Variants in TMEM62 observed in about 807,000 individuals in gnomAD.
TMEM62 encodes the protein transmembrane protein 62.
TMEM62 carries 41 observed loss-of-function variants against 70.4 expected under a neutral mutation model. The ratio of observed to expected loss-of-function variants is 0.58; its 90% CI spans 0.45 to 0.76. The LOEUF is 0.76. TMEM62 is among the 30% of genes least tolerant of loss of function. The probability of loss-of-function intolerance (pLI) is 0.00; values close to 1 mark genes in which losing one functional copy is unlikely to be tolerated. For missense variants in TMEM62, 688 were observed against 788.5 expected, an observed-to-expected ratio of 0.87 and a Z score of 1.53; for synonymous variants, 268 against 291.0, an observed-to-expected ratio of 0.92 and a Z score of 0.80.
intron 7 of TMEM62, among the ~76,000 whole-genome samples, chr15:43,150,985 AT>A (rs1302152097): frequency 6.6e-6 from 1 of 152,252 alleles, no homozygotes; most frequent in African/African-American, 2.4e-5. Context: ...TTTAATGAAT[AT>A]TTTATACCTT....
rs549395686 is a variant in TMEM62 at position 43,153,395 on chromosome 15, C to T, written c.1023-1277C>T. 3.3e-5 allele frequency among the ~76,000 whole-genome samples: 5 copies of T among 152,252 alleles called. 1 individual carries two copies. The highest frequency in any genetic ancestry group is 1.2e-4 in the African/African-American group (5 of 41,546). ...CATTATCCATTTCCAGAACATTTAT[C>T]ATTTTCTAAAACTGAAACTTTTACC... On this transcript the variant is annotated intron_variant, in intron 8 of 13. Coordinates refer to ENST00000260403, the MANE Select transcript of TMEM62 (RefSeq NM_024956.4).
chr15:43,144,513 A>G (rs2036432152), intron 4 of TMEM62, among the ~76,000 whole-genome samples: 1 of 152,226 alleles, frequency 6.6e-6, no homozygotes, highest in Admixed American at 6.5e-5. Flanking sequence ...AGGAAAAAAG[A>G]GATATTGGAG....
At chr15:43,142,491 T>C (rs963123125) in intron 4 of TMEM62, among the ~76,000 whole-genome samples, 1 of 151,620 alleles carries the variant, frequency 6.6e-6, no homozygotes, top group Non-Finnish European at 1.5e-5. Flanking sequence ...GAAAAGTCAA[T>C]TGATGTAGCA....
At position 43,184,915 on chromosome 15, in the gene TMEM62, G is replaced by T. The variant is rs922272574; in HGVS notation, c.*329G>T. On this transcript the variant is annotated 3_prime_UTR_variant, in exon 14 of 14. Coordinates refer to ENST00000260403, the MANE Select transcript of TMEM62 (RefSeq NM_024956.4). ...TACGGGAGTGTCTGAGGCCCAGTGTGTTTTTTAGGGTTACCCCATGTAAAG... is the reference window on the plus strand; with the variant it reads ...TACGGGAGTGTCTGAGGCCCAGTGTTTTTTTTAGGGTTACCCCATGTAAAG... 19 of 333,732 alleles carry T rather than the reference G, an allele frequency of 5.7e-5. No individual in the cohort carries two copies. In the South Asian group the frequency reaches 7.5e-4, roughly 13 times the overall value. The allele number at this position is 333,732 out of a possible 1,614,324, so 20.7% of individuals were successfully genotyped here.
At chr15:43,181,604 C>T (rs1290670742) in intron 13 of TMEM62, among the ~76,000 whole-genome samples, 1 of 152,176 alleles carries the variant, frequency 6.6e-6, no homozygotes, top group Non-Finnish European at 1.5e-5. Context: ...TGGGTTCCAG[C>T]GATTTTCCTG....
intron 10 of TMEM62, among the ~76,000 whole-genome samples, chr15:43,165,068 C>G (rs541526588): frequency 6.6e-6 from 1 of 152,188 alleles, no homozygotes; most frequent in African/African-American, 2.4e-5. Context: ...TCTTGGTGTT[C>G]TATGACCTTC....
At chr15:43,167,725 G>A (rs993028868) in intron 10 of TMEM62, among the ~76,000 whole-genome samples, 16 of 152,232 alleles carry the variant, frequency 1.1e-4, no homozygotes, top group South Asian at 4.1e-4. Flanking sequence ...ACGGGGTGGC[G>A]GCCGGGTAGA....
intron 10 of TMEM62, among the ~76,000 whole-genome samples, chr15:43,168,078 A>C (rs1596322056): frequency 6.6e-6 from 1 of 150,532 alleles, no homozygotes; most frequent in East Asian, 2.0e-4. Context: ...GCAGCGGTAC[A>C]GTCCAGCTTC....
At chr15:43,181,353 C>A in intron 13 of TMEM62, 54 bp downstream of exon 13, 1 of 1,131,710 alleles carries the variant, frequency 8.8e-7, no homozygotes, top group Non-Finnish European at 1.3e-6. Flanking sequence ...AGACTAATTG[C>A]ATAACAGTTA....
intron 11 of TMEM62, among the ~76,000 whole-genome samples, chr15:43,173,307 T>G (rs1264366776): frequency 6.6e-6 from 1 of 152,244 alleles, no homozygotes; most frequent in Non-Finnish European, 1.5e-5. Flanking sequence ...GACTCCTAAC[T>G]GCTGCTCTTA....
chr15:43,140,718 T>G (rs1454498373), intron 4 of TMEM62, among the ~76,000 whole-genome samples: 2 of 152,202 alleles, frequency 1.3e-5, no homozygotes, highest in African/African-American at 2.4e-5. Flanking sequence ...AATCTCAGTC[T>G]GATAGAAACT....
At chr15:43,148,479 T>A (rs1022571896) in intron 5 of TMEM62, among the ~76,000 whole-genome samples, 2 of 152,212 alleles carry the variant, frequency 1.3e-5, no homozygotes, top group Non-Finnish European at 1.5e-5. Context: ...CTGTAAAGAT[T>A]AGTGATGACT....
intron 4 of TMEM62, 104 bp from the exon 5 acceptor site, chr15:43,146,389 C>T: frequency 9.2e-7 from 1 of 1,090,878 alleles, no homozygotes; most frequent in Non-Finnish European, 1.3e-6. Flanking sequence ...GTCAGATCAG[C>T]AAATCTCGTT....
chr15:43,152,084 T>C (rs2037464165), intron 8 of TMEM62, 139 bp downstream of exon 8: 3 of 484,322 alleles, frequency 6.2e-6, no homozygotes, highest in Non-Finnish European at 1.0e-5. Flanking sequence ...TAAAGATAGA[T>C]TGCTTACTGT....
At chr15:43,151,990 G>A (rs1459384058) in intron 8 of TMEM62, 45 bp downstream of exon 8, 1 of 1,496,606 alleles carries the variant, frequency 6.7e-7, no homozygotes, top group Admixed American at 1.9e-5. Flanking sequence ...TGATAATGAA[G>A]GAGAATAAGT....
At chr15:43,177,238 A>G (rs1232215494) in intron 11 of TMEM62, among the ~76,000 whole-genome samples, 1 of 152,126 alleles carries the variant, frequency 6.6e-6, no homozygotes, top group East Asian at 1.9e-4. Context: ...CAGCCAAAAA[A>G]CACATGAAAA....
chr15:43,147,617 G>A (rs989377801), intron 5 of TMEM62, among the ~76,000 whole-genome samples: 2 of 152,180 alleles, frequency 1.3e-5, no homozygotes, highest in African/African-American at 2.4e-5. Flanking sequence ...ACGAGAGTTC[G>A]AAAGAATGTG....
intron 4 of TMEM62, among the ~76,000 whole-genome samples, chr15:43,143,382 C>T (rs2036295148): frequency 6.6e-6 from 1 of 152,214 alleles, no homozygotes; most frequent in Non-Finnish European, 1.5e-5. Context: ...CTTTCATACA[C>T]ACTGGGAAAC....
intron 4 of TMEM62, among the ~76,000 whole-genome samples, chr15:43,144,882 T>C (rs1347991558): frequency 6.6e-6 from 1 of 152,142 alleles, no homozygotes; most frequent in East Asian, 1.9e-4. Flanking sequence ...ACTTTAAAGT[T>C]TCTTACCTTT....
Sources: allele counts gnomAD v4.1 joint callset (sites outside exome capture counted in the v4.1 genomes callset), GRCh38; gene constraint gnomAD v4.1.1; transcripts MANE v1.5; gene names NCBI Gene and HGNC (gene_info 2026-07-23, HGNC 2026-07-21).